HMCN2: variants seen among roughly 807,000 people sequenced by gnomAD.
HMCN2 encodes hemicentin-2.
A neutral mutation model predicts 377.5 loss-of-function variants in HMCN2; 325 were observed. The ratio of observed to expected loss-of-function variants is 0.86; its 90% CI spans 0.79 to 0.94. The LOEUF is 0.94. Among genes scored for constraint, HMCN2 ranks in the 40% least tolerant of loss-of-function variants. The probability of loss-of-function intolerance (pLI) is 0.00; values close to 1 mark genes in which losing one functional copy is unlikely to be tolerated. For synonymous variants in HMCN2, 2,007 were observed against 2,046.8 expected (o/e 0.98, Z 0.53); for missense variants, 4,543 against 4,725.3 (o/e 0.96, Z 1.13).
chr9:130,408,181 TG>T (rs1199714754), intron 83 of HMCN2, among the ~76,000 whole-genome samples: 13 of 152,056 alleles, frequency 8.5e-5, no homozygotes, highest in Non-Finnish European at 1.9e-4. Context: ...TGGGGCTGGA[TG>T]GGGGGAATGA....
chr9:130,343,526 GC>G (rs1224100942), intron 25 of HMCN2, among the ~76,000 whole-genome samples: 4 of 152,190 alleles, frequency 2.6e-5, no homozygotes, highest in African/African-American at 4.8e-5. Context: ...TGCCCACCTG[GC>G]CCCCCGACCC....
intron 40 of HMCN2, among the ~76,000 whole-genome samples, chr9:130,364,205 C>T (rs958947147): frequency 9.9e-5 from 15 of 152,142 alleles, no homozygotes; most frequent in African/African-American, 3.6e-4. Flanking sequence ...ACTTTACAGA[C>T]GAGGAGACTG....
chr9:130,267,460 A>G (rs868915072), intron 1 of HMCN2, among the ~76,000 whole-genome samples: 2 of 128,374 alleles, frequency 1.6e-5, no homozygotes, highest in Non-Finnish European at 3.5e-5. Flanking sequence ...ACACACACAC[A>G]CACACACACA....
intron 70 of HMCN2, 43 bp from the exon 71 acceptor site, chr9:130,395,168 G>T (rs1424480907): frequency 1.3e-5 from 17 of 1,283,724 alleles, no homozygotes; most frequent in Non-Finnish European, 1.7e-5. Context: ...CGCGGCAGGG[G>T]TGAGTCCCCC....
At chr9:130,278,901 C>CTT (rs1162905487) in intron 1 of HMCN2, among the ~76,000 whole-genome samples, 9 of 132,354 alleles carry the variant, frequency 6.8e-5, no homozygotes, top group Non-Finnish European at 1.1e-4. Flanking sequence ...TTTTCTTTTT[C>CTT]TTTTTTTTTT....
intron 85 of HMCN2, among the ~76,000 whole-genome samples, chr9:130,413,960 A>G (rs1843550967): frequency 6.7e-6 from 1 of 149,440 alleles, no homozygotes; most frequent in Non-Finnish European, 1.5e-5. Flanking sequence ...ATCCTGGGCA[A>G]TATGGTGAAA....
intron 19 of HMCN2, among the ~76,000 whole-genome samples, chr9:130,322,952 A>G (rs1182046706): frequency 2.6e-5 from 4 of 152,132 alleles, no homozygotes; most frequent in Admixed American, 1.3e-4. Context: ...CGCGTTCCCC[A>G]TTTTATAGGG....
In HMCN2 at chr9:130,382,838, A is replaced by G; in HGVS notation, c.8705A>G (p.Gln2902Arg). Residue 2902 changes from glutamine (Q) to arginine (R), a missense_variant, in exon 56 of 98, where the codon CAG becomes CGG. Physicochemically the swap from Gln to Arg is conservative, Grantham distance 43 (BLOSUM62 1). Coordinates refer to ENST00000683500, the MANE Select transcript of HMCN2 (RefSeq NM_001291815.2). The part of the protein sequence containing the change: ...GLPFSPSPRL[Q>R]VLEDGQVLQV... ...CCTTTCTCCCCGAGCCCACGGCTGC[A>G]GGTCCTGGAGGACGGGCAAGTCTTG... 1.0e-6 allele frequency: 1 copy of G among 985,870 alleles called. No individual in the cohort carries two copies. The allele number at this position is 985,870 out of a possible 1,614,324, so 61.1% of individuals were successfully genotyped here. A position where few individuals can be genotyped will look rare whatever the true frequency, so the allele number is the denominator to read the frequency against.
intron 30 of HMCN2, 78 bp from the exon 31 acceptor site, chr9:130,352,849 C>T (rs1839806878): frequency 1.7e-6 from 2 of 1,147,762 alleles, no homozygotes; most frequent in African/African-American, 3.3e-5. Context: ...GGCCCAAAGG[C>T]ATGAGTCTGC....
At chr9:130,359,669 G>A (rs1004234603) in intron 37 of HMCN2, among the ~76,000 whole-genome samples, 2 of 152,210 alleles carry the variant, frequency 1.3e-5, no homozygotes, top group African/African-American at 4.8e-5. Context: ...GCTGTCCGGG[G>A]CTAGGGGCGA....
Position 130,313,357 on chromosome 9 carries a change from G to C in HMCN2, c.2350+3296G>C, listed in dbSNP as rs1837365400. 3.0e-3 allele frequency among the ~76,000 whole-genome samples: 449 copies of C among 151,472 alleles called. 1 individual carries two copies. Among genetic ancestry groups the C allele is most frequent in the Non-Finnish European group, 4.4e-3 (298 of 67,538 alleles). ...CTCTGTGCCAGGAGGGCCTGCACTT[G>C]TGGACCAGCCTGCGAGGCACTGGTG... On this transcript the variant is annotated intron_variant, in intron 15 of 97. Coordinates refer to ENST00000683500, the MANE Select transcript of HMCN2 (RefSeq NM_001291815.2).
At chr9:130,413,137 T>A (rs190210014) in intron 85 of HMCN2, among the ~76,000 whole-genome samples, 2 of 152,338 alleles carry the variant, frequency 1.3e-5, no homozygotes, top group African/African-American at 4.8e-5. Flanking sequence ...TTTCTTTGAT[T>A]TTTGGATTTG....
chr9:130,426,691 C>G lies in HMCN2; in HGVS notation c.13880-622C>G, dbSNP rs28557377. ...CATGGCCCACAGGCCGCATGCCACC[C>G]AGAACAGCTTTGAATGCGGCCCAAC... is the stretch of plus-strand genomic sequence containing the variant. On this transcript the variant is annotated intron_variant, in intron 90 of 97. Transcript: ENST00000683500. 7.2e-3 allele frequency among the ~76,000 whole-genome samples: 1,102 copies of G among 152,300 alleles called. 10 individuals carry two copies. The highest frequency in any genetic ancestry group is 0.025 in the African/African-American group (1,028 of 41,554).
chr9:130,408,109 C>T (rs150049142), intron 83 of HMCN2, among the ~76,000 whole-genome samples: 36 of 152,312 alleles, frequency 2.4e-4, no homozygotes, highest in Non-Finnish European at 4.0e-4. Flanking sequence ...TACTCATCCA[C>T]CAGGAGTAGC....
chr9:130,296,184 C>A (rs1836141731), intron 6 of HMCN2, among the ~76,000 whole-genome samples: 1 of 152,134 alleles, frequency 6.6e-6, no homozygotes, highest in South Asian at 2.1e-4. Context: ...GTTTGGCTCC[C>A]AACAGAGCAT....
At chr9:130,425,654 C>A in intron 89 of HMCN2, 33 bp from the exon 90 acceptor site, 1 of 1,308,036 alleles carries the variant, frequency 7.6e-7, no homozygotes, top group Non-Finnish European at 1.1e-6. Flanking sequence ...CTCCCCCACC[C>A]CTCCTCCTCC....
intron 46 of HMCN2, 73 bp downstream of exon 46, chr9:130,371,204 C>G: frequency 9.3e-6 from 8 of 856,274 alleles, no homozygotes; most frequent in Non-Finnish European, 1.1e-5. Flanking sequence ...CCATTACATG[C>G]CCATGACCTC....
At chr9:130,323,317 C>T (rs1441707299) in intron 19 of HMCN2, among the ~76,000 whole-genome samples, 1 of 152,158 alleles carries the variant, frequency 6.6e-6, no homozygotes, top group Non-Finnish European at 1.5e-5. Flanking sequence ...CTTCTGGATT[C>T]CTCTCCTGGC....
In HMCN2 at chr9:130,433,416, T is replaced by TGCC; in HGVS notation, c.14966_14968dup (p.Pro4989dup). ...CCCTCTACGCTGCAGTACCGGCTGC[T>TGCC]GCCGCTGCCCCTGGGCGTGCGCGCC... On this transcript the variant is annotated inframe_insertion, in exon 98 of 98. Coordinates refer to ENST00000683500, the MANE Select transcript of HMCN2 (RefSeq NM_001291815.2). 6.7e-7 allele frequency: 1 copy of TGCC among 1,492,910 alleles called. No homozygotes were observed. The allele number at this position is 1,492,910 out of a possible 1,614,324, so 92.5% of individuals were successfully genotyped here. A position where few individuals can be genotyped will look rare whatever the true frequency, so the allele number is the denominator to read the frequency against.
Sources: allele counts gnomAD v4.1 joint callset (sites outside exome capture counted in the v4.1 genomes callset), GRCh38; gene constraint gnomAD v4.1.1; transcripts MANE v1.5; gene names NCBI Gene and HGNC (gene_info 2026-07-23, HGNC 2026-07-21).